The following SLC25A20 variants were observed in gnomAD, a reference collection of about 807,000 sequenced individuals.
The protein encoded by SLC25A20 is mitochondrial carnitine/acylcarnitine carrier protein.
Under a neutral mutation model 39.7 loss-of-function variants are expected in SLC25A20, and 29 were observed. That is an observed-to-expected ratio of 0.73 (90% CI 0.54 to 1.00). SLC25A20 has a LOEUF of 1.00. Among genes scored for constraint, SLC25A20 ranks in the 50% least tolerant of loss-of-function variants. SLC25A20 has a pLI of 0.00. For missense variants in SLC25A20, 333 were observed against 379.9 expected (o/e 0.88, Z 1.03); for synonymous variants, 103 against 142.2 (o/e 0.72, Z 1.96).
intron 1 of SLC25A20, among the ~76,000 whole-genome samples, chr3:48,893,852 GAAAAA>G (rs978467478): frequency 2.9e-5 from 2 of 69,108 alleles, no homozygotes; most frequent in Admixed American, 3.7e-4. Context: ...CTTTAAAAAA[GAAAAA>G]AAAAAAAAAA....
chr3:48,857,498 G>T lies in SLC25A20; in HGVS notation c.*212C>A, dbSNP rs2083588848. 1 of 586,490 alleles carries T rather than the reference G, an allele frequency of 1.7e-6. No homozygotes were observed. Among genetic ancestry groups the T allele is most frequent in the African/African-American group, 1.9e-5 (1 of 53,482 alleles). The allele number at this position is 586,490 out of a possible 1,614,324, so 36.3% of individuals were successfully genotyped here. A position where few individuals can be genotyped will look rare whatever the true frequency, so the allele number is the denominator to read the frequency against. On this transcript the variant is annotated 3_prime_UTR_variant, in exon 9 of 9. Coordinates refer to ENST00000319017, the MANE Select transcript of SLC25A20 (RefSeq NM_000387.6). ...AAATCCTTTTAAGATCCCTTAAATT[G>T]ATAAGAATGAATTCAAGTTTCAAAA... is the stretch of plus-strand genomic sequence containing the variant.
At chr3:48,892,419 C>T (rs1010062495) in intron 1 of SLC25A20, among the ~76,000 whole-genome samples, 5 of 152,046 alleles carry the variant, frequency 3.3e-5, no homozygotes, top group African/African-American at 9.7e-5. Flanking sequence ...CAGTTCTCTT[C>T]GGTATTGTAT....
Position 48,870,561 on chromosome 3 carries a change from T to G in SLC25A20, c.418-7902A>C, listed in dbSNP as rs994603962. Among the ~76,000 whole-genome samples the G allele has an allele frequency of 2.7e-5, 4 of 148,716 alleles. No individual in the cohort carries two copies. The South Asian group carries it at 8.4e-4, about 31-fold the overall frequency. On this transcript the variant is annotated intron_variant, in intron 4 of 8. Transcript: ENST00000319017. ...AAGAAATCAAATTTTTCTTTTTCTT[T>G]TTTTTTTTTTTTTTTTGAGACAGTA...
At chr3:48,877,607 T>A (rs944528945) in intron 4 of SLC25A20, among the ~76,000 whole-genome samples, 5 of 151,618 alleles carry the variant, frequency 3.3e-5, no homozygotes, top group Non-Finnish European at 7.4e-5. Flanking sequence ...CGCACACCTG[T>A]AGTCTCAGCT....
chr3:48,860,169 C>T (rs1478676883), intron 5 of SLC25A20, among the ~76,000 whole-genome samples: 3 of 151,594 alleles, frequency 2.0e-5, no homozygotes, highest in Non-Finnish European at 4.4e-5. Flanking sequence ...GGCGTGGTGG[C>T]GGGCACCTGT....
chr3:48,858,062 G>A (rs1245254630), intron 8 of SLC25A20, among the ~76,000 whole-genome samples: 1 of 150,980 alleles, frequency 6.6e-6, no homozygotes, highest in Non-Finnish European at 1.5e-5. Context: ...CTGCCTCCCA[G>A]GTTAAAGTAA....
chr3:48,879,554 T>G (rs1575987634), intron 3 of SLC25A20, 106 bp from the exon 4 acceptor site: 2 of 793,092 alleles, frequency 2.5e-6, no homozygotes. Context: ...AATAAGTACT[T>G]GGACTGGGTA....
At chr3:48,888,880 A>G (rs1413037587) in intron 2 of SLC25A20, among the ~76,000 whole-genome samples, 1 of 151,958 alleles carries the variant, frequency 6.6e-6, no homozygotes, top group Non-Finnish European at 1.5e-5. Context: ...AGGTCAGGAG[A>G]TCGAGACCAT....
At chr3:48,894,474 T>C (rs2083899129) in intron 1 of SLC25A20, among the ~76,000 whole-genome samples, 1 of 150,954 alleles carries the variant, frequency 6.6e-6, no homozygotes, top group South Asian at 2.1e-4. Flanking sequence ...GGTTTCGCTG[T>C]GTTGGCCAGA....
intron 1 of SLC25A20, chr3:48,895,673 A>T: frequency 2.6e-6 from 1 of 389,542 alleles, no homozygotes; most frequent in Non-Finnish European, 5.2e-6. Flanking sequence ...AAACCAAGGA[A>T]GTCCCTCTCT....
chr3:48,874,405 A>G (rs944998606), intron 4 of SLC25A20, among the ~76,000 whole-genome samples: 12 of 151,692 alleles, frequency 7.9e-5, no homozygotes, highest in Admixed American at 7.9e-4. Flanking sequence ...GATCAAGGTT[A>G]CATTGTGCTA....
intron 4 of SLC25A20, among the ~76,000 whole-genome samples, chr3:48,869,552 C>T (rs980464529): frequency 6.6e-6 from 1 of 152,078 alleles, no homozygotes; most frequent in Admixed American, 6.6e-5. Flanking sequence ...AGGCCAGGTA[C>T]AGTGGCTCAT....
chr3:48,870,102 T>TA (rs1165383193), intron 4 of SLC25A20, among the ~76,000 whole-genome samples: 2 of 151,052 alleles, frequency 1.3e-5, no homozygotes, highest in African/African-American at 4.9e-5. Flanking sequence ...GGCATTGTCT[T>TA]AAAAAAAAGG....
At chr3:48,887,257 C>T (rs1368305132) in intron 2 of SLC25A20, among the ~76,000 whole-genome samples, 2 of 152,178 alleles carry the variant, frequency 1.3e-5, no homozygotes, top group Non-Finnish European at 2.9e-5. Flanking sequence ...GAATGGCCAA[C>T]CCAGTTCCAT....
intron 4 of SLC25A20, among the ~76,000 whole-genome samples, chr3:48,874,017 G>C (rs1346410179): frequency 7.3e-6 from 1 of 137,088 alleles, no homozygotes. Flanking sequence ...GGGCGAGCAT[G>C]ATGGCTCATT....
In SLC25A20 at chr3:48,857,773, C is replaced by T. The variant is rs775237076; in HGVS notation, c.844-1G>A. ...CAACTTCAAAGCCAAGGAAACAGGCCTAAGAAGGGATTGGGAGGAAGAAAA... is the reference window on the plus strand; with the variant it reads ...CAACTTCAAAGCCAAGGAAACAGGCTTAAGAAGGGATTGGGAGGAAGAAAA... On this transcript the variant is annotated splice_acceptor_variant, in intron 8 of 8. Coordinates refer to ENST00000319017, the MANE Select transcript of SLC25A20 (RefSeq NM_000387.6). LOFTEE classifies it high-confidence loss of function. 6.2e-7 allele frequency: 1 copy of T among 1,613,570 alleles called. No homozygotes were observed.
chr3:48,872,197 C>A lies in SLC25A20; in HGVS notation c.417+7161G>T, dbSNP rs1489956533. Among the ~76,000 whole-genome samples the A allele has an allele frequency of 3.3e-5, 5 of 151,516 alleles. No homozygotes were observed. In the East Asian group the frequency reaches 9.7e-4, roughly 29 times the overall value. Reference sequence around the variant, plus strand: ...CCAGGCTGGAGTGCAGTGGCACAATCTTGGCTCACTGCAACCTCCACCTCT... The same window carrying A: ...CCAGGCTGGAGTGCAGTGGCACAATATTGGCTCACTGCAACCTCCACCTCT... On this transcript the variant is annotated intron_variant, in intron 4 of 8. Transcript: ENST00000319017.
At chr3:48,858,359 G>C in intron 8 of SLC25A20, 148 bp downstream of exon 8, 1 of 1,187,324 alleles carries the variant, frequency 8.4e-7, no homozygotes, top group Non-Finnish European at 1.2e-6. Context: ...CAGCTTCAAG[G>C]AAGGGAGCAA....
intron 4 of SLC25A20, among the ~76,000 whole-genome samples, chr3:48,876,712 A>G (rs1044365442): frequency 1.3e-5 from 2 of 151,950 alleles, no homozygotes; most frequent in African/African-American, 2.4e-5. Flanking sequence ...GGCATGAGCC[A>G]CTGCATTTGG....
Sources: allele counts gnomAD v4.1 joint callset (sites outside exome capture counted in the v4.1 genomes callset), GRCh38; gene constraint gnomAD v4.1.1; transcripts MANE v1.5; gene names NCBI Gene and HGNC (gene_info 2026-07-23, HGNC 2026-07-21).